Variants in DENND2A observed in about 807,000 individuals in gnomAD.
DENND2A encodes the protein DENN domain containing 2A.
In DENND2A, 53 loss-of-function variants were observed where a neutral mutation model predicts 105.3. The observed-to-expected ratio is 0.50, with a 90% CI of 0.40 to 0.63. DENND2A has a LOEUF of 0.63. DENND2A is among the 30% of genes least tolerant of loss of function. The pLI, the probability that DENND2A is intolerant of heterozygous loss-of-function variation, is 0.00. For synonymous variants in DENND2A, 522 were observed against 508.4 expected, an observed-to-expected ratio of 1.03 and a Z score of -0.36; for missense variants, 1,138 against 1,279.6, an observed-to-expected ratio of 0.89 and a Z score of 1.69.
intron 1 of DENND2A, among the ~76,000 whole-genome samples, chr7:140,608,719 G>A (rs930874658): frequency 3.3e-5 from 5 of 151,588 alleles, no homozygotes; most frequent in African/African-American, 4.8e-5. Context: ...GAACCCAGCC[G>A]AATTTGCTAG....
At chr7:140,608,676 A>T (rs1422466544) in intron 1 of DENND2A, among the ~76,000 whole-genome samples, 1 of 111,114 alleles carries the variant, frequency 9.0e-6, no homozygotes, top group Admixed American at 8.3e-5. Context: ...ACTCTGTCTT[A>T]AAAAAAAAAA....
intron 14 of DENND2A, among the ~76,000 whole-genome samples, chr7:140,534,996 C>A (rs529517876): frequency 7.4e-4 from 113 of 152,190 alleles, no homozygotes; most frequent in Non-Finnish European, 1.3e-3. Flanking sequence ...AACATCAGGA[C>A]GCACTTGTAA....
intron 5 of DENND2A, among the ~76,000 whole-genome samples, chr7:140,576,870 T>C (rs903898720): frequency 2.6e-5 from 4 of 152,232 alleles, no homozygotes; most frequent in African/African-American, 9.6e-5. Context: ...GCTCCTACCA[T>C]TGCACTGGAA....
chr7:140,625,240 G>A (rs560486577), intron 1 of DENND2A, among the ~76,000 whole-genome samples: 3 of 150,926 alleles, frequency 2.0e-5, no homozygotes, highest in African/African-American at 7.4e-5. Context: ...AGCTGGGCGT[G>A]GTGGTGCATG....
intron 11 of DENND2A, 110 bp from the exon 12 acceptor site, chr7:140,555,823 T>G: frequency 1.2e-6 from 1 of 812,828 alleles, no homozygotes; most frequent in South Asian, 2.0e-5. Context: ...CCACATATCA[T>G]AGCTCTGGAA....
intron 6 of DENND2A, among the ~76,000 whole-genome samples, chr7:140,571,126 G>C (rs918248624): frequency 2.0e-5 from 3 of 152,064 alleles, no homozygotes; most frequent in African/African-American, 7.2e-5. Context: ...AAAAATATAG[G>C]ATGGTAATCA....
chr7:140,574,438 C>G (rs989942648), intron 5 of DENND2A, among the ~76,000 whole-genome samples: 6 of 151,982 alleles, frequency 3.9e-5, no homozygotes, highest in African/African-American at 1.4e-4. Flanking sequence ...AGGCTGGTCT[C>G]GAACTCTTAA....
At chr7:140,589,901 T>C (rs2130655536) in intron 3 of DENND2A, among the ~76,000 whole-genome samples, 1 of 152,344 alleles carries the variant, frequency 6.6e-6, no homozygotes, top group East Asian at 1.9e-4. Flanking sequence ...TTGTCTGGGA[T>C]TATAGTTCTG....
intron 2 of DENND2A, among the ~76,000 whole-genome samples, chr7:140,605,022 T>A (rs1029325988): frequency 2.0e-5 from 3 of 152,226 alleles, no homozygotes; most frequent in Admixed American, 1.3e-4. Flanking sequence ...TTCACAACTA[T>A]GGAAGCTCTG....
chr7:140,580,476 T>C (rs928682814), intron 5 of DENND2A, among the ~76,000 whole-genome samples: 1 of 152,026 alleles, frequency 6.6e-6, no homozygotes, highest in Non-Finnish European at 1.5e-5. Context: ...TGCACCACCA[T>C]GCCTATCTAA....
chr7:140,614,249 C>T (rs1000618684), intron 1 of DENND2A, among the ~76,000 whole-genome samples: 2 of 152,100 alleles, frequency 1.3e-5, no homozygotes, highest in Admixed American at 6.6e-5. Context: ...AATTAACAGG[C>T]GTGCACCAAG....
intron 11 of DENND2A, among the ~76,000 whole-genome samples, chr7:140,556,331 T>C (rs185446961): frequency 1.3e-5 from 2 of 152,012 alleles, no homozygotes; most frequent in Non-Finnish European, 2.9e-5. Flanking sequence ...TCAATACTTT[T>C]AAAAATTTTT....
At chr7:140,525,153 CTTTTTT>C (rs1198329788) in intron 16 of DENND2A, among the ~76,000 whole-genome samples, 1 of 112,010 alleles carries the variant, frequency 8.9e-6, no homozygotes, top group Admixed American at 9.5e-5. Context: ...GAGACCCTGT[CTTTTTT>C]TTTTTTTTTT....
chr7:140,629,510 C>A (rs923049237), intron 1 of DENND2A, among the ~76,000 whole-genome samples: 4 of 152,094 alleles, frequency 2.6e-5, no homozygotes, highest in African/African-American at 9.7e-5. Flanking sequence ...AGAAGACGGA[C>A]CCGGCAGCAG....
chr7:140,557,965 C>T (rs187132132), intron 11 of DENND2A, among the ~76,000 whole-genome samples, 178 bp downstream of exon 11: 68 of 152,196 alleles, frequency 4.5e-4, no homozygotes, highest in African/African-American at 1.6e-3. Context: ...AGCCACCATG[C>T]CAGATTTTTT....
At chr7:140,541,129 T>G (rs892255392) in intron 14 of DENND2A, among the ~76,000 whole-genome samples, 5 of 152,164 alleles carry the variant, frequency 3.3e-5, no homozygotes, top group Admixed American at 6.5e-5. Flanking sequence ...TTCCCACCTT[T>G]TCTCTCCCTG....
rs1365173574 is a variant in DENND2A at position 140,544,879 on chromosome 7, G to A, written c.2179-113C>T. ...TCCTCATCAGGGGTGACCCACTGGT[G>A]GGGGAAAAGGGAAAGAAAAAAAGCA... is the stretch of plus-strand genomic sequence containing the variant. On this transcript the variant is annotated intron_variant, in intron 13 of 19. Coordinates refer to ENST00000496613, the MANE Select transcript of DENND2A (RefSeq NM_015689.5). 2.7e-6 allele frequency: 4 copies of A among 1,477,654 alleles called. No homozygotes were observed. The African/African-American group carries it at 5.7e-5, about 21-fold the overall frequency. The allele number at this position is 1,477,654 out of a possible 1,614,324, so 91.5% of individuals were successfully genotyped here. A position where few individuals can be genotyped will look rare whatever the true frequency, so the allele number is the denominator to read the frequency against.
At chr7:140,618,908 C>T (rs778453297) in intron 1 of DENND2A, among the ~76,000 whole-genome samples, 2 of 152,124 alleles carry the variant, frequency 1.3e-5, no homozygotes, top group Non-Finnish European at 2.9e-5. Context: ...ACGCCATTCT[C>T]CTGCCTCAGC....
intron 3 of DENND2A, 95 bp from the exon 4 acceptor site, chr7:140,587,875 C>T (rs775435752): frequency 2.4e-5 from 30 of 1,270,056 alleles, no homozygotes; most frequent in Admixed American, 6.9e-5. Context: ...GCCAAATTTT[C>T]TTTTTCTTAG....
Sources: allele counts gnomAD v4.1 joint callset (sites outside exome capture counted in the v4.1 genomes callset), GRCh38; gene constraint gnomAD v4.1.1; transcripts MANE v1.5; gene names NCBI Gene and HGNC (gene_info 2026-07-23, HGNC 2026-07-21).